Variants in USP37 observed in about 807,000 individuals in gnomAD.
The protein encoded by USP37 is ubiquitin specific peptidase 37, also known as ubiquitin carboxyl-terminal hydrolase 37.
A neutral mutation model predicts 124.0 loss-of-function variants in USP37; 27 were observed. The observed-to-expected ratio is 0.22, with a 90% confidence interval of 0.16 to 0.30. USP37 has a LOEUF of 0.30. Among genes scored for constraint, USP37 ranks in the 10% least tolerant of loss-of-function variants. The pLI, the probability that USP37 is intolerant of heterozygous loss-of-function variation, is 1.00. For synonymous variants in USP37, 365 were observed against 388.0 expected, an observed-to-expected ratio of 0.94 and a Z score of 0.70; for missense variants, 889 against 1,140.4, an observed-to-expected ratio of 0.78 and a Z score of 3.17.
At chr2:218,459,080 TAAA>T (rs5838700) in intron 23 of USP37, among the ~76,000 whole-genome samples, 1 of 147,362 alleles carries the variant, frequency 6.8e-6, no homozygotes. Context: ...GAAAAAGGGT[TAAA>T]AAAAAAAAAA....
chr2:218,546,867 C>T, intron 7 of USP37, 52 bp downstream of exon 7: 1 of 1,571,444 alleles, frequency 6.4e-7, no homozygotes, highest in Non-Finnish European at 8.6e-7. Flanking sequence ...TCTAAAAGGC[C>T]TAAAAGACAT....
chr2:218,495,958 GACA>G lies in USP37; in HGVS notation c.1282-11_1282-9del, dbSNP rs746679091. ...TAAAAATTCATGAGCATCCTAATAA[GACA>G]ACAATATCCTTAATCAGATAAAAAC... On this transcript the variant is annotated splice_polypyrimidine_tract_variant and intron_variant, in intron 13 of 25. Coordinates refer to ENST00000258399, the MANE Select transcript of USP37 (RefSeq NM_020935.3). 131 of 1,605,896 alleles carry G rather than the reference GACA, an allele frequency of 8.2e-5. No individual in the cohort carries two copies. The highest frequency in any genetic ancestry group is 1.0e-4 in the Non-Finnish European group (119 of 1,177,370).
At chr2:218,544,386 C>CAAAAAAAAA (rs1163366372) in intron 8 of USP37, among the ~76,000 whole-genome samples, 11 of 25,784 alleles carry the variant, frequency 4.3e-4, no homozygotes, top group African/African-American at 2.6e-3. Context: ...CTCCGTTTCA[C>CAAAAAAAAA]AAAAAAAAAA....
intron 10 of USP37, among the ~76,000 whole-genome samples, chr2:218,516,317 TAAG>T (rs1304647730): frequency 3.3e-5 from 5 of 151,942 alleles, no homozygotes; most frequent in Non-Finnish European, 7.4e-5. Flanking sequence ...ACGGGATAAA[TAAG>T]AAAATGTGGC....
chr2:218,458,324 T>C (rs1326930227), intron 23 of USP37, among the ~76,000 whole-genome samples: 2 of 139,572 alleles, frequency 1.4e-5, no homozygotes, highest in Admixed American at 7.5e-5. Flanking sequence ...GTAATCCCCA[T>C]ACTTTGGGAG....
chr2:218,496,761 G>C (rs542699936), intron 13 of USP37, among the ~76,000 whole-genome samples: 71 of 152,112 alleles, frequency 4.7e-4, no homozygotes, highest in African/African-American at 1.6e-3. Flanking sequence ...CGATTATCCT[G>C]CATCAGCCTC....
chr2:218,554,963 CTT>C (rs1480248617), intron 4 of USP37, among the ~76,000 whole-genome samples: 1 of 151,982 alleles, frequency 6.6e-6, no homozygotes, highest in Non-Finnish European at 1.5e-5. Context: ...AGAAAACTCA[CTT>C]AAGTTTCATT....
intron 11 of USP37, among the ~76,000 whole-genome samples, chr2:218,502,984 C>T (rs548939202): frequency 1.3e-5 from 2 of 152,208 alleles, no homozygotes; most frequent in Non-Finnish European, 2.9e-5. Flanking sequence ...AAAAAGAAGA[C>T]AAAGAAAAGA....
chr2:218,564,718 T>G (rs555923375), intron 1 of USP37, among the ~76,000 whole-genome samples: 1 of 152,266 alleles, frequency 6.6e-6, no homozygotes, highest in Admixed American at 6.5e-5. Context: ...AACTGTATAC[T>G]CCAACAAAAT....
chr2:218,502,724 A>G (rs1212780211), intron 11 of USP37, among the ~76,000 whole-genome samples: 1 of 152,212 alleles, frequency 6.6e-6, no homozygotes, highest in African/African-American at 2.4e-5. Context: ...TTACAAGGGC[A>G]GAAGAATTAG....
intron 10 of USP37, among the ~76,000 whole-genome samples, chr2:218,520,841 C>G (rs1433916760): frequency 1.3e-5 from 2 of 152,168 alleles, no homozygotes; most frequent in East Asian, 3.9e-4. Flanking sequence ...CCAGCTGTCC[C>G]TCAGAATAGC....
intron 25 of USP37, 118 bp downstream of exon 25, chr2:218,455,462 C>T (rs1689644208): frequency 7.1e-7 from 1 of 1,413,514 alleles, no homozygotes. Flanking sequence ...ATGATAAAAA[C>T]CAAAAATTTT....
At chr2:218,553,503 A>G in intron 5 of USP37, 50 bp downstream of exon 5, 1 of 1,529,846 alleles carries the variant, frequency 6.5e-7, no homozygotes, top group Non-Finnish European at 8.8e-7. Flanking sequence ...TAGTCTAGTC[A>G]TAGCCTTGTA....
chr2:218,498,331 T>C, intron 11 of USP37, 174 bp from the exon 12 acceptor site: 2 of 530,048 alleles, frequency 3.8e-6, no homozygotes, highest in Non-Finnish European at 5.9e-6. Flanking sequence ...CACAAATGTG[T>C]CCAAAAAAAG....
rs1359079591 is a variant in USP37, at chr2:218,506,479, T to TG, written c.1025+3499dup. On this transcript the variant is annotated intron_variant, in intron 11 of 25. Coordinates refer to ENST00000258399, the MANE Select transcript of USP37 (RefSeq NM_020935.3). ...CTAATTTTTCTATTTTTAGTAGAGA[T>TG]GGGGTTTCACCATACTGGTCAGGTT... is the stretch of plus-strand genomic sequence containing the variant. Among the ~76,000 whole-genome samples the TG allele has an allele frequency of 2.0e-5, 3 of 151,580 alleles. No homozygotes were observed. The East Asian group carries it at 5.9e-4, about 30-fold the overall frequency.
intron 17 of USP37, among the ~76,000 whole-genome samples, chr2:218,480,412 A>G (rs2105973476): frequency 6.6e-6 from 1 of 151,436 alleles, no homozygotes; most frequent in South Asian, 2.1e-4. Context: ...AAAAAAAAAA[A>G]AAAAAAAAAA....
At chr2:218,521,912 T>C (rs1172911742) in intron 10 of USP37, among the ~76,000 whole-genome samples, 8 of 152,156 alleles carry the variant, frequency 5.3e-5, no homozygotes, top group African/African-American at 1.7e-4. Flanking sequence ...TCTTGCTCTG[T>C]TGCCCAGGCT....
At chr2:218,494,315 T>C (rs1279513945) in intron 14 of USP37, among the ~76,000 whole-genome samples, 2 of 152,236 alleles carry the variant, frequency 1.3e-5, no homozygotes, top group East Asian at 3.8e-4. Flanking sequence ...ATTATGAATA[T>C]TTCTGAAGAA....
intron 21 of USP37, among the ~76,000 whole-genome samples, chr2:218,464,349 T>G (rs1690194697): frequency 6.6e-6 from 1 of 151,918 alleles, no homozygotes; most frequent in Admixed American, 6.6e-5. Flanking sequence ...GCAATTCTTG[T>G]GCCTCAGCCT....
Sources: gnomAD v4.1 joint callset for allele counts (sites outside exome capture counted in the v4.1 genomes callset) on GRCh38, gnomAD v4.1.1 for gene constraint, MANE v1.5 for transcripts, NCBI Gene and HGNC (gene_info 2026-07-23, HGNC 2026-07-21) for gene names.